DNAH9: variants seen among roughly 807,000 people sequenced by gnomAD.
DNAH9 encodes the protein DNAH9 variant protein.
DNAH9 carries 345 observed loss-of-function variants against 471.6 expected under a neutral mutation model. The ratio of observed to expected loss-of-function variants is 0.73; its 90% CI spans 0.67 to 0.80. DNAH9 has a LOEUF of 0.80. Among genes scored for constraint, DNAH9 ranks in the 30% least tolerant of loss-of-function variants. The pLI is 0.00. For missense variants in DNAH9, 5,407 were observed against 5,609.2 expected (o/e 0.96, Z 1.15); for synonymous variants, 2,093 against 2,123.6 (o/e 0.99, Z 0.40).
At chr17:11,647,021 G>A (rs369983606) in intron 11 of DNAH9, 51 bp from the exon 12 acceptor site, 43 of 1,599,444 alleles carry the variant, frequency 2.7e-5, no homozygotes, top group African/African-American at 6.7e-5. Context: ...ACCAGGCACC[G>A]GTGAGCTGGG....
At chr17:11,849,674 G>C (rs1055566274) in intron 49 of DNAH9, among the ~76,000 whole-genome samples, 4 of 152,174 alleles carry the variant, frequency 2.6e-5, no homozygotes, top group Admixed American at 2.6e-4. Flanking sequence ...CTTCCCAGAG[G>C]AAGAGACCTT....
rs987497720 is a variant in DNAH9, at chr17:11,757,668, C to T, written c.6971C>T (p.Thr2324Ile). 1.3e-5 allele frequency: 21 copies of T among 1,613,882 alleles called. No homozygotes were observed. The highest frequency in any genetic ancestry group is 3.3e-5 in the South Asian group (3 of 91,072). Residue 2324 changes from threonine (T) to isoleucine (I), a missense_variant, in exon 35 of 69, where the codon ACC (threonine) becomes ATC (isoleucine). This residue lies in a region of DNAH9 where 4,636 missense variants were observed against 4,900.3 expected (regional missense o/e 0.95). Transcript: ENST00000262442. ...LTILFDKYLP[T>I]CLDTLRTRFK... is the part of the protein sequence containing the mutation. Reference sequence around the variant, plus strand: ...ATTTTGTTCGACAAGTATCTTCCAACCTGCCTAGACACACTCAGAACCAGG... The same window carrying T: ...ATTTTGTTCGACAAGTATCTTCCAATCTGCCTAGACACACTCAGAACCAGG...
chr17:11,683,325 C>T (rs2074170393), intron 19 of DNAH9, among the ~76,000 whole-genome samples: 1 of 152,116 alleles, frequency 6.6e-6, no homozygotes, highest in Admixed American at 6.5e-5. Context: ...AGGTGCCCAC[C>T]ACCATGCCTG....
intron 57 of DNAH9, 51 bp from the exon 58 acceptor site, chr17:11,891,726 G>A (rs1298822492): frequency 6.3e-7 from 1 of 1,585,236 alleles, no homozygotes; most frequent in Non-Finnish European, 8.6e-7. Flanking sequence ...GACCACTAGT[G>A]TATAGTAAGA....
At chr17:11,691,949 G>A (rs1002826820) in intron 20 of DNAH9, among the ~76,000 whole-genome samples, 1 of 152,080 alleles carries the variant, frequency 6.6e-6, no homozygotes, top group African/African-American at 2.4e-5. Flanking sequence ...GATTACAGAT[G>A]AGTGCCACCA....
chr17:11,725,619 C>T (rs2075137126), intron 27 of DNAH9, among the ~76,000 whole-genome samples: 1 of 152,136 alleles, frequency 6.6e-6, no homozygotes, highest in Admixed American at 6.5e-5. Flanking sequence ...GCAACTCAAA[C>T]ACTTTGGGAG....
intron 4 of DNAH9, among the ~76,000 whole-genome samples, chr17:11,615,604 A>T (rs922349900): frequency 5.3e-5 from 8 of 151,916 alleles, no homozygotes; most frequent in African/African-American, 1.9e-4. Context: ...AGAAAAAAAA[A>T]AGGTATGAGC....
intron 49 of DNAH9, among the ~76,000 whole-genome samples, chr17:11,838,383 A>T (rs951936829): frequency 6.6e-6 from 1 of 152,218 alleles, no homozygotes; most frequent in Non-Finnish European, 1.5e-5. Context: ...CATGTGTTAC[A>T]TTAGCAGAAA....
chr17:11,883,180 A>G (rs978111271), intron 55 of DNAH9: 2 of 993,150 alleles, frequency 2.0e-6, no homozygotes, highest in Non-Finnish European at 2.4e-6. Flanking sequence ...TAAGTAAGCC[A>G]TAGGAGAGTT....
intron 67 of DNAH9, among the ~76,000 whole-genome samples, chr17:11,953,613 C>T (rs1975492031): frequency 2.0e-5 from 3 of 152,024 alleles, no homozygotes; most frequent in African/African-American, 7.2e-5. Context: ...AGATCAAGAC[C>T]ATCCTGGCTA....
At chr17:11,651,406 C>A in intron 13 of DNAH9, 82 bp downstream of exon 13, 1 of 1,392,722 alleles carries the variant, frequency 7.2e-7, no homozygotes, top group African/African-American at 1.4e-5. Flanking sequence ...CAATTATTCC[C>A]TGGTAATCTT....
At chr17:11,763,342 T>C in intron 35 of DNAH9, 98 bp from the exon 36 acceptor site, 3 of 1,038,150 alleles carry the variant, frequency 2.9e-6, no homozygotes, top group Non-Finnish European at 4.3e-6. Flanking sequence ...TGACGGACCA[T>C]GAGTCCACTG....
At chr17:11,654,355 C>CAAAAAAAAAAAA (rs527835262) in intron 14 of DNAH9, among the ~76,000 whole-genome samples, 3 of 11,260 alleles carry the variant, frequency 2.7e-4, no homozygotes, top group East Asian at 2.7e-3. Context: ...GACTCCGTCT[C>CAAAAAAAAAAAA]AAAAAAAAAA....
In DNAH9 at chr17:11,690,279, A is replaced by AG; in HGVS notation, c.4458dup (p.Tyr1487ValfsTer28). On this transcript the variant is annotated frameshift_variant, in exon 20 of 69. Coordinates refer to ENST00000262442, the MANE Select transcript of DNAH9 (RefSeq NM_001372.4). LOFTEE classifies it high-confidence loss of function. The stretch of plus-strand genomic sequence containing the variant: ...CAACTTCAGAACCTGGTGATGTCCA[A>AG]GTATGTTGCTTTCTTCTTGGAGGAG... The AG allele has an allele frequency of 1.2e-6, 2 of 1,614,204 alleles. No homozygotes were observed. The highest frequency in any genetic ancestry group is 3.3e-5 in the Admixed American group (2 of 60,026).
rs1454119078 is a variant in DNAH9 at position 11,679,857 on chromosome 17, C to G, written c.3454C>G (p.Leu1152Val). 6 of 1,613,854 alleles carry G rather than the reference C, an allele frequency of 3.7e-6. No individual in the cohort carries two copies. Among genetic ancestry groups the G allele is most frequent in the Non-Finnish European group, 5.1e-6 (6 of 1,179,964 alleles). ...FQGLVEIMGH[L>V]MAVKERQSNT... ...AGGCTTGGTTGAGATCATGGGACAC[C>G]TTATGGCTGTTAAAGAACGGCAGAG... Residue 1152 changes from leucine (L) to valine (V), a missense_variant, in exon 18 of 69, where the codon CTT becomes GTT. Leu to Val is a conservative substitution (Grantham distance 32, BLOSUM62 1). This residue lies in a region of DNAH9 where 4,636 missense variants were observed against 4,900.3 expected (regional missense o/e 0.95). Coordinates refer to ENST00000262442, the MANE Select transcript of DNAH9 (RefSeq NM_001372.4).
chr17:11,606,147 T>G (rs2072499197), intron 1 of DNAH9, among the ~76,000 whole-genome samples: 1 of 152,130 alleles, frequency 6.6e-6, no homozygotes. Flanking sequence ...CTTTACTGAT[T>G]GTTGTAAGTT....
chr17:11,759,881 T>C (rs1243449260), intron 35 of DNAH9, among the ~76,000 whole-genome samples: 2 of 152,090 alleles, frequency 1.3e-5, no homozygotes, highest in Admixed American at 1.3e-4. Flanking sequence ...AGAGATGGGG[T>C]TTCACCATGT....
intron 26 of DNAH9, among the ~76,000 whole-genome samples, chr17:11,708,473 G>A (rs949118137): frequency 1.3e-5 from 2 of 152,166 alleles, no homozygotes; most frequent in African/African-American, 4.8e-5. Context: ...TGCAGAGGGA[G>A]ATGTCGATCT....
At chr17:11,968,156 A>T (rs1976896854) in intron 68 of DNAH9, among the ~76,000 whole-genome samples, 1 of 152,172 alleles carries the variant, frequency 6.6e-6, no homozygotes, top group South Asian at 2.1e-4. Context: ...ACCAAAAACC[A>T]CTAAATTATA....
Sources: gnomAD v4.1 joint callset for allele counts (sites outside exome capture counted in the v4.1 genomes callset) on GRCh38, gnomAD v4.1.1 for gene constraint, gnomAD v4.1.1 regional missense constraint, MANE v1.5 for transcripts, NCBI Gene and HGNC (gene_info 2026-07-23, HGNC 2026-07-21) for gene names.